The following IFTAP variants were observed in gnomAD, a reference collection of about 807,000 sequenced individuals.
IFTAP encodes intraflagellar transport associated protein, also known as intraflagellar transport-associated protein.
Under a neutral mutation model 19.4 loss-of-function variants are expected in IFTAP, and 19 were observed. The observed-to-expected ratio is 0.98, with a 90% CI of 0.68 to 1.44. IFTAP has a LOEUF of 1.44. Among genes scored for constraint, IFTAP ranks in the 40% most tolerant of loss-of-function variants. The pLI is 0.00. For synonymous variants in IFTAP, 85 were observed against 83.5 expected (o/e 1.02, Z -0.10); for missense variants, 240 against 253.6 (o/e 0.95, Z 0.36).
At position 36,648,067 on chromosome 11, in the gene IFTAP, C is replaced by T; in HGVS notation, c.410C>T (p.Pro137Leu). ...GAGCAGGATGTAAGCACCAGCATTCCTTCCTGTATCCCTTTTGTGGCCCAG... is the reference window on the plus strand; with the variant it reads ...GAGCAGGATGTAAGCACCAGCATTCTTTCCTGTATCCCTTTTGTGGCCCAG... ...EVEQDVSTSI[P>L]SCIPFVAQPP... Residue 137 changes from proline to leucine, a missense_variant, in exon 5 of 6, where the codon CCT becomes CTT. Transcript: ENST00000334307. 6.2e-7 allele frequency: 1 copy of T among 1,613,392 alleles called. No individual in the cohort carries two copies. Among genetic ancestry groups the T allele is most frequent in the Non-Finnish European group, 8.5e-7 (1 of 1,179,550 alleles).
At chr11:36,628,390 A>T (rs1590216868) in intron 2 of IFTAP, among the ~76,000 whole-genome samples, 1 of 151,382 alleles carries the variant, frequency 6.6e-6, no homozygotes, top group African/African-American at 2.5e-5. Context: ...CCCAGCTCAG[A>T]TGCCTTAGTC....
chr11:36,631,831 G>T (rs1014378373), intron 2 of IFTAP, among the ~76,000 whole-genome samples: 4 of 150,964 alleles, frequency 2.6e-5, no homozygotes, highest in African/African-American at 9.9e-5. Flanking sequence ...GTAGGTTCCT[G>T]TACTTGCTGT....
At chr11:36,614,600 T>C (rs1397910369) in intron 2 of IFTAP, among the ~76,000 whole-genome samples, 1 of 148,676 alleles carries the variant, frequency 6.7e-6, no homozygotes, top group Non-Finnish European at 1.5e-5. Context: ...GACTTTTTAA[T>C]GATTGCCATT....
At chr11:36,613,259 G>T (rs184498862) in intron 2 of IFTAP, among the ~76,000 whole-genome samples, 1 of 152,080 alleles carries the variant, frequency 6.6e-6, no homozygotes, top group African/African-American at 2.4e-5. Flanking sequence ...CTCTGTGAAT[G>T]TAACTAATTT....
At chr11:36,639,502 G>T (rs2133477409) in intron 4 of IFTAP, among the ~76,000 whole-genome samples, 1 of 152,300 alleles carries the variant, frequency 6.6e-6, no homozygotes, top group East Asian at 1.9e-4. Flanking sequence ...TTTGGCTCAT[G>T]GTTCTGCAGG....
At chr11:36,602,460 C>A (rs1295596829) in intron 1 of IFTAP, among the ~76,000 whole-genome samples, 5 of 152,022 alleles carry the variant, frequency 3.3e-5, no homozygotes, top group African/African-American at 4.8e-5. Flanking sequence ...ATAAAGTAAC[C>A]TTTAGTGGGA....
intron 1 of IFTAP, among the ~76,000 whole-genome samples, chr11:36,609,141 A>T (rs1478953300): frequency 6.6e-6 from 1 of 152,214 alleles, no homozygotes; most frequent in Non-Finnish European, 1.5e-5. Flanking sequence ...ACCCTAGTAC[A>T]GGAGCAGCAC....
At chr11:36,603,049 A>G (rs1430946043) in intron 1 of IFTAP, among the ~76,000 whole-genome samples, 1 of 152,190 alleles carries the variant, frequency 6.6e-6, no homozygotes, top group African/African-American at 2.4e-5. Context: ...TGTAATTGAA[A>G]ACAATCTAAT....
intron 4 of IFTAP, among the ~76,000 whole-genome samples, chr11:36,639,318 G>T (rs12363403): frequency 9.9e-5 from 15 of 151,924 alleles, no homozygotes; most frequent in Non-Finnish European, 1.8e-4. Flanking sequence ...TGGTCAGCGG[G>T]TGTACTTATG....
chr11:36,653,723 T>C (rs986311973), intron 5 of IFTAP, among the ~76,000 whole-genome samples: 1 of 152,200 alleles, frequency 6.6e-6, no homozygotes, highest in African/African-American at 2.4e-5. Flanking sequence ...GAATTACTTA[T>C]GTGTCTCCTG....
chr11:36,605,251 C>T (rs1202873393), intron 1 of IFTAP, among the ~76,000 whole-genome samples: 1 of 151,606 alleles, frequency 6.6e-6, no homozygotes, highest in Non-Finnish European at 1.5e-5. Flanking sequence ...ACCTGCACAA[C>T]TCTCAGAGTT....
intron 2 of IFTAP, among the ~76,000 whole-genome samples, chr11:36,621,192 G>A (rs1852277072): frequency 1.3e-5 from 2 of 151,942 alleles, no homozygotes; most frequent in African/African-American, 4.8e-5. Flanking sequence ...AAACTGAGGT[G>A]GTCATAAGAC....
chr11:36,617,906 G>A lies in IFTAP; in HGVS notation c.136+7667G>A, dbSNP rs911737327. 1.7e-4 allele frequency among the ~76,000 whole-genome samples: 26 copies of A among 151,960 alleles called. 1 individual carries two copies. On this transcript the variant is annotated intron_variant, in intron 2 of 5. Transcript: ENST00000334307. ...ACCTCTCTCAGAGAAACATCTGGGA[G>A]TGAGAGATTATTAAAAAACAAGTCT...
chr11:36,595,431 A>G (rs1338353537), intron 1 of IFTAP, among the ~76,000 whole-genome samples: 1 of 152,246 alleles, frequency 6.6e-6, no homozygotes, highest in African/African-American at 2.4e-5. Flanking sequence ...CCGTGTTTGC[A>G]GTGTGATGTC....
intron 4 of IFTAP, among the ~76,000 whole-genome samples, chr11:36,642,630 C>G (rs1298967202): frequency 6.6e-6 from 1 of 152,124 alleles, no homozygotes; most frequent in Non-Finnish European, 1.5e-5. Context: ...CAAACCAAAT[C>G]CAGCAGCACA....
At chr11:36,634,982 A>G (rs949926655) in intron 3 of IFTAP, among the ~76,000 whole-genome samples, 15 of 152,314 alleles carry the variant, frequency 9.8e-5, no homozygotes, top group Non-Finnish European at 2.2e-4. Context: ...ATAATATGAC[A>G]GAATTTCAAA....
At chr11:36,634,059 A>T (rs969753979) in intron 3 of IFTAP, among the ~76,000 whole-genome samples, 2 of 152,090 alleles carry the variant, frequency 1.3e-5, no homozygotes, top group Middle Eastern at 3.2e-3. Flanking sequence ...CTAACAAGGG[A>T]ACAAAAATCT....
At chr11:36,603,306 G>A (rs966632183) in intron 1 of IFTAP, among the ~76,000 whole-genome samples, 1 of 152,186 alleles carries the variant, frequency 6.6e-6, no homozygotes, top group Non-Finnish European at 1.5e-5. Flanking sequence ...ATTAGTATTA[G>A]TCTCTCTCCC....
Position 36,633,382 on chromosome 11 carries a change from C to G in IFTAP, c.235C>G (p.His79Asp), listed in dbSNP as rs1188598450. 8 of 1,603,460 alleles carry G rather than the reference C, an allele frequency of 5.0e-6. No homozygotes were observed. Among genetic ancestry groups the G allele is most frequent in the Non-Finnish European group, 6.0e-6 (7 of 1,175,322 alleles). Residue 79 changes from histidine to aspartate, a missense_variant, in exon 3 of 6, where the codon CAT becomes GAT. Transcript: ENST00000334307. ...TCATAAAAATGAAGCAGATGACTACCATCTTAGAAATAAAACCATCTTTCT... is the reference window on the plus strand; with the variant it reads ...TCATAAAAATGAAGCAGATGACTACGATCTTAGAAATAAAACCATCTTTCT... ...VTHKNEADDY[H>D]LRNKTIFLRT... is the part of the protein sequence containing the mutation.
Sources: gnomAD v4.1 joint callset for allele counts (sites outside exome capture counted in the v4.1 genomes callset) on GRCh38, gnomAD v4.1.1 for gene constraint, MANE v1.5 for transcripts, NCBI Gene and HGNC (gene_info 2026-07-23, HGNC 2026-07-21) for gene names.